The following PKHD1L1 variants were observed in gnomAD, a reference collection of about 807,000 sequenced individuals.
PKHD1L1 encodes the protein fibrocystin-L.
In PKHD1L1, 434 loss-of-function variants were observed where a neutral mutation model predicts 462.9. That is an observed-to-expected ratio of 0.94 (90% confidence interval 0.87 to 1.02). PKHD1L1 has a LOEUF of 1.02. Among genes scored for constraint, PKHD1L1 ranks in the 50% least tolerant of loss-of-function variants. The pLI, the probability that PKHD1L1 is intolerant of heterozygous loss-of-function variation, is 0.00. For missense variants in PKHD1L1, 5,202 were observed against 5,096.1 expected, an observed-to-expected ratio of 1.02 and a Z score of -0.63; for synonymous variants, 1,781 against 1,750.0, an observed-to-expected ratio of 1.02 and a Z score of -0.44.
chr8:109,408,168 G>C lies in PKHD1L1; in HGVS notation c.1933G>C (p.Ala645Pro), dbSNP rs202007554. 6.2e-7 allele frequency: 1 copy of C among 1,612,630 alleles called. No individual in the cohort carries two copies. The highest frequency in any genetic ancestry group is 1.3e-5 in the African/African-American group (1 of 74,832). ...ATTCACACTGAATTGGGATGGGATC[G>C]CTTCTAAGCCACTCACTCTATGGTC... ...ETFTLNWDGI[A>P]SKPLTLWSSE... is the part of the protein sequence containing the mutation. Residue 645 changes from alanine to proline, a missense_variant, in exon 18 of 78, where the codon GCT becomes CCT. This residue lies in a region of PKHD1L1 where 4,497 missense variants were observed against 4,336.8 expected (regional missense o/e 1.04). Coordinates refer to ENST00000378402, the MANE Select transcript of PKHD1L1 (RefSeq NM_177531.6).
intron 57 of PKHD1L1, among the ~76,000 whole-genome samples, chr8:109,484,179 C>T (rs1010001534): frequency 2.0e-5 from 3 of 151,942 alleles, no homozygotes; most frequent in African/African-American, 7.2e-5. Flanking sequence ...TTATCATCTA[C>T]TTACAATATG....
chr8:109,500,326 C>T (rs1483124228), intron 67 of PKHD1L1, among the ~76,000 whole-genome samples: 1 of 151,568 alleles, frequency 6.6e-6, no homozygotes, highest in Non-Finnish European at 1.5e-5. Flanking sequence ...CCTTGGTTAA[C>T]ACTTCTGCTT....
chr8:109,394,362 T>A (rs570463070), intron 9 of PKHD1L1, 53 bp from the exon 10 acceptor site: 7 of 1,184,538 alleles, frequency 5.9e-6, no homozygotes, highest in Admixed American at 2.7e-5. Flanking sequence ...GTTAAAAAAA[T>A]GTTCCTAAAT....
chr8:109,397,622 G>A (rs1356356110), intron 11 of PKHD1L1, among the ~76,000 whole-genome samples: 1 of 152,146 alleles, frequency 6.6e-6, no homozygotes, highest in Non-Finnish European at 1.5e-5. Flanking sequence ...CCCAGGAGGT[G>A]GAGGCTACGG....
At chr8:109,508,637 G>T (rs546716594) in intron 70 of PKHD1L1, among the ~76,000 whole-genome samples, 4 of 152,088 alleles carry the variant, frequency 2.6e-5, no homozygotes, top group Admixed American at 1.3e-4. Context: ...TTGACCTAAC[G>T]TATATTAAAA....
At chr8:109,375,971 C>G (rs761398562) in intron 2 of PKHD1L1, among the ~76,000 whole-genome samples, 1 of 152,236 alleles carries the variant, frequency 6.6e-6, no homozygotes, top group Admixed American at 6.5e-5. Context: ...AGGAGGCAGT[C>G]TGCCCATTCT....
In PKHD1L1 at chr8:109,510,940, G is replaced by T; in HGVS notation, c.11553+6G>T. On this transcript the variant is annotated splice_donor_region_variant and intron_variant, in intron 71 of 77. Coordinates refer to ENST00000378402, the MANE Select transcript of PKHD1L1 (RefSeq NM_177531.6). ...TTAATGTTGATCATAACAAGGTAGG[G>T]CAAGATGTCTTAAGAGTAATTGCTG... 6.2e-7 allele frequency: 1 copy of T among 1,611,304 alleles called. No homozygotes were observed. The highest frequency in any genetic ancestry group is 1.3e-5 in the African/African-American group (1 of 74,834).
intron 13 of PKHD1L1, among the ~76,000 whole-genome samples, chr8:109,400,765 C>T (rs772528406): frequency 1.6e-4 from 24 of 152,018 alleles, no homozygotes; most frequent in African/African-American, 2.2e-4. Context: ...CATCTCCCTA[C>T]TGATAAGTTT....
chr8:109,409,601 T>C (rs1813731864), intron 18 of PKHD1L1, among the ~76,000 whole-genome samples: 1 of 152,222 alleles, frequency 6.6e-6, no homozygotes, highest in Non-Finnish European at 1.5e-5. Flanking sequence ...TAAACAAATA[T>C]GTCTGCCTTA....
Position 109,429,440 on chromosome 8 carries a change from G to A in PKHD1L1, c.3101G>A (p.Arg1034His), listed in dbSNP as rs767347244. Residue 1034 changes from arginine (R) to histidine (H), a missense_variant, in exon 26 of 78, where the codon CGT (arginine) becomes CAT (histidine). Around this residue, in one of 3 missense-constraint regions of PKHD1L1, gnomAD observed 4,497 missense variants for 4,336.8 expected, o/e 1.04. Transcript: ENST00000378402. The stretch of plus-strand genomic sequence containing the variant: ...CAACATGTACTTGGAGACCTACTTC[G>A]TACACCCAGTCAACAGCCACAGGTA... ...FRQHVLGDLL[R>H]TPSQQPQVEV... 12 of 1,607,910 alleles carry A rather than the reference G, an allele frequency of 7.5e-6. No individual in the cohort carries two copies. Among genetic ancestry groups the A allele is most frequent in the Non-Finnish European group, 9.3e-6 (11 of 1,176,838 alleles).
intron 59 of PKHD1L1, among the ~76,000 whole-genome samples, chr8:109,489,152 G>A (rs1001234174): frequency 2.0e-5 from 3 of 151,838 alleles, no homozygotes; most frequent in African/African-American, 4.8e-5. Context: ...TGGATTTTAA[G>A]GTAGGCTTTC....
At chr8:109,445,856 C>G (rs1254364610) in intron 38 of PKHD1L1, among the ~76,000 whole-genome samples, 5 of 152,136 alleles carry the variant, frequency 3.3e-5, no homozygotes. Flanking sequence ...CAAATTTCAA[C>G]TTCTATTTAG....
chr8:109,456,615 C>T (rs762121673), intron 46 of PKHD1L1, among the ~76,000 whole-genome samples: 13 of 151,994 alleles, frequency 8.6e-5, no homozygotes, highest in African/African-American at 1.4e-4. Context: ...AACATAAATT[C>T]GAACCTATGA....
At chr8:109,406,961 A>G (rs1325496514) in intron 17 of PKHD1L1, among the ~76,000 whole-genome samples, 1 of 152,070 alleles carries the variant, frequency 6.6e-6, no homozygotes, top group Non-Finnish European at 1.5e-5. Flanking sequence ...AAATCAATTT[A>G]CCTGTGTTTA....
At chr8:109,479,002 C>T (rs1191036891) in intron 53 of PKHD1L1, among the ~76,000 whole-genome samples, 2 of 151,842 alleles carry the variant, frequency 1.3e-5, no homozygotes, top group East Asian at 1.9e-4. Flanking sequence ...CTTTGTTGAT[C>T]GTAACATGGC....
chr8:109,476,744 A>G (rs1240058533), intron 52 of PKHD1L1, 77 bp downstream of exon 52: 2 of 1,342,942 alleles, frequency 1.5e-6, no homozygotes, highest in African/African-American at 3.0e-5. Flanking sequence ...TAATAAGCAA[A>G]TGTGTTGTGC....
At chr8:109,467,073 A>G (rs934835125) in intron 50 of PKHD1L1, among the ~76,000 whole-genome samples, 1 of 152,092 alleles carries the variant, frequency 6.6e-6, no homozygotes, top group African/African-American at 2.4e-5. Context: ...TGCCACTCAA[A>G]GCAAATGTTT....
intron 2 of PKHD1L1, among the ~76,000 whole-genome samples, chr8:109,365,998 C>T (rs972562105): frequency 2.6e-5 from 4 of 152,074 alleles, no homozygotes; most frequent in African/African-American, 9.7e-5. Flanking sequence ...AAAAAGAAAA[C>T]ACCCAGCCAT....
rs551169159 is a variant in PKHD1L1 at position 109,477,380 on chromosome 8, C to A, written c.9073C>A (p.Arg3025=). Reference sequence around the variant, plus strand: ...ATCAAGAAAACCAATTCCCAAGAAGCGACCAGCCACATATAAGTACATAGG... The same window carrying A: ...ATCAAGAAAACCAATTCCCAAGAAGAGACCAGCCACATATAAGTACATAGG... ...PPSRKPIPKK[R]PATYNLWSND... The change falls in exon 53 of 78, where the codon CGA becomes AGA. Residue 3025 remains arginine, a synonymous_variant. Transcript: ENST00000378402. 44 of 1,612,856 alleles carry A rather than the reference C, an allele frequency of 2.7e-5. No individual in the cohort carries two copies. The highest frequency in any genetic ancestry group is 3.6e-5 in the Non-Finnish European group (42 of 1,179,362).
Sources: allele counts gnomAD v4.1 joint callset (sites outside exome capture counted in the v4.1 genomes callset), GRCh38; gene constraint gnomAD v4.1.1; regional missense constraint gnomAD v4.1.1; transcripts MANE v1.5; gene names NCBI Gene and HGNC (gene_info 2026-07-23, HGNC 2026-07-21).